DPH7: variants seen among roughly 807,000 people sequenced by gnomAD.
DPH7 encodes diphthamide biosynthesis 7, also known as diphthine methyltransferase.
In DPH7, 44 loss-of-function variants were observed where a neutral mutation model predicts 41.7. That is an observed-to-expected ratio of 1.05 (90% CI 0.83 to 1.36). The LOEUF (loss-of-function observed/expected upper bound fraction) is 1.36. Among genes scored for constraint, DPH7 ranks in the 40% most tolerant of loss-of-function variants. The pLI, the probability that DPH7 is intolerant of heterozygous loss-of-function variation, is 0.00. For synonymous variants in DPH7, 275 were observed against 238.0 expected, an observed-to-expected ratio of 1.16 and a Z score of -1.43; for missense variants, 629 against 577.5, an observed-to-expected ratio of 1.09 and a Z score of -0.91.
Position 137,578,916 on chromosome 9 carries a change from T to C in DPH7, c.-139A>G, listed in dbSNP as rs909159807. ...GGACACCGTCAGCGCGGGCCGCCTC[T>C]CTCGCGACTCCTTCCGGGGTGCCGG... is the stretch of plus-strand genomic sequence containing the variant. On this transcript the variant is annotated 5_prime_UTR_variant, in exon 1 of 9. Transcript: ENST00000277540. 1 of 912,888 alleles carries C rather than the reference T, an allele frequency of 1.1e-6. No individual in the cohort carries two copies. Among genetic ancestry groups the C allele is most frequent in the African/African-American group, 1.7e-5 (1 of 57,576 alleles). 56.5% of individuals were successfully genotyped at this position (912,888 alleles called of 1,614,324 possible).
Position 137,561,036 on chromosome 9 carries a change from A to G in DPH7, c.949+3398T>C, listed in dbSNP as rs548913613. Among the ~76,000 whole-genome samples, 430 of 150,574 alleles carry G rather than the reference A, an allele frequency of 2.9e-3. 4 individuals are homozygous for G. Among genetic ancestry groups the G allele is most frequent in the Non-Finnish European group, 9.0e-4 (61 of 67,744 alleles). On this transcript the variant is annotated intron_variant, in intron 8 of 8. Coordinates refer to ENST00000277540, the MANE Select transcript of DPH7 (RefSeq NM_138778.5). ...GACCCCATCTCAAAAAAAAAAAAAA[A>G]AAAAAGAAAAAAAGAAAATCACCAT...
intron 8 of DPH7, among the ~76,000 whole-genome samples, 159 bp from the exon 9 acceptor site, chr9:137,555,807 G>A (rs111781286): frequency 1.4e-4 from 22 of 152,292 alleles, no homozygotes; most frequent in Non-Finnish European, 3.1e-4. Context: ...AGCAAGACCT[G>A]GGCATATGTT....
At chr9:137,572,988 C>T (rs143966550) in intron 5 of DPH7, among the ~76,000 whole-genome samples, 3 of 152,340 alleles carry the variant, frequency 2.0e-5, no homozygotes, top group Middle Eastern at 6.8e-3. Context: ...GCTCTGCCCA[C>T]AGGTGCCTGC....
intron 5 of DPH7, among the ~76,000 whole-genome samples, chr9:137,571,645 G>A (rs551144045): frequency 5.9e-5 from 9 of 151,852 alleles, no homozygotes; most frequent in South Asian, 2.1e-4. Flanking sequence ...AAAATTAGCC[G>A]GGCATGGCGG....
rs554950479 is a variant in DPH7 at position 137,578,543 on chromosome 9, C to A, written c.153+82G>T. The A allele has an allele frequency of 2.4e-4, 323 of 1,365,274 alleles. 1 individual carries two copies. Among genetic ancestry groups the A allele is most frequent in the Non-Finnish European group, 4.5e-5 (47 of 1,054,166 alleles). 84.6% of individuals were successfully genotyped at this position (1,365,274 alleles called of 1,614,324 possible). Reference sequence around the variant, plus strand: ...CAAAGGGCCAATATCCCCTCTTCATCTCCTGGGCGATTCGGTGCGCCTTTC... The same window carrying A: ...CAAAGGGCCAATATCCCCTCTTCATATCCTGGGCGATTCGGTGCGCCTTTC... On this transcript the variant is annotated intron_variant, in intron 1 of 8. Coordinates refer to ENST00000277540, the MANE Select transcript of DPH7 (RefSeq NM_138778.5).
Position 137,577,739 on chromosome 9 carries a change from G to GT in DPH7, c.154-137dup. 4 of 1,187,400 alleles carry GT rather than the reference G, an allele frequency of 3.4e-6. No individual in the cohort carries two copies. The South Asian group carries it at 6.1e-5, about 18-fold the overall frequency. The allele number at this position is 1,187,400 out of a possible 1,614,324, so 73.6% of individuals were successfully genotyped here. On this transcript the variant is annotated intron_variant, in intron 1 of 8. Coordinates refer to ENST00000277540, the MANE Select transcript of DPH7 (RefSeq NM_138778.5). The stretch of plus-strand genomic sequence containing the variant: ...ATTCTGCCTGGAAGGAGAACCTCTG[G>GT]TTTTCTGAGCTGGAGAAACGTCTAT...
intron 1 of DPH7, 84 bp downstream of exon 1, chr9:137,578,540 CA>C: frequency 5.2e-6 from 7 of 1,348,560 alleles, no homozygotes; most frequent in Non-Finnish European, 6.7e-6. Context: ...ATCCCCTCTT[CA>C]TCTCCTGGGC....
chr9:137,559,308 A>C (rs1838091624), intron 8 of DPH7, among the ~76,000 whole-genome samples: 1 of 152,192 alleles, frequency 6.6e-6, no homozygotes, highest in Admixed American at 6.5e-5. Flanking sequence ...TCTAGCGGTG[A>C]CGCCAGCATC....
intron 8 of DPH7, among the ~76,000 whole-genome samples, chr9:137,557,655 C>CT (rs1260518183): frequency 6.6e-6 from 1 of 151,550 alleles, no homozygotes; most frequent in African/African-American, 2.4e-5. Flanking sequence ...CCCATCTCTA[C>CT]TAAAAGCACA....
At chr9:137,567,600 T>G (rs56107721) in intron 5 of DPH7, among the ~76,000 whole-genome samples, 3 of 2,666 alleles carry the variant, frequency 1.1e-3, no homozygotes, top group African/African-American at 3.1e-3. Flanking sequence ...GAAGCTCCCC[T>G]GGGTGACTCT....
chr9:137,574,590 TA>T, intron 4 of DPH7, 161 bp downstream of exon 4: 1 of 861,584 alleles, frequency 1.2e-6, no homozygotes, highest in South Asian at 1.7e-5. Flanking sequence ...GCTATGTATC[TA>T]AAATGGGGGA....
At position 137,555,414 on chromosome 9, in the gene DPH7, C is replaced by G; in HGVS notation, c.1184G>C (p.Gly395Ala). The G allele has an allele frequency of 6.2e-7, 1 of 1,614,148 alleles. No individual in the cohort carries two copies. The change falls in exon 9 of 9, where the codon GGA becomes GCA. Residue 395 changes from glycine to alanine, a missense_variant. Transcript: ENST00000277540. The part of the protein sequence containing the change: ...DGEGHARPQS[G>A]MKPLTEGMRK... ...CATGCCCTCTGTGAGTGGCTTCATT[C>G]CACTCTGGGGTCTGGCATGGCCCTC...
chr9:137,561,542 C>CAAA (rs557915176), intron 8 of DPH7, among the ~76,000 whole-genome samples: 14,832 of 51,956 alleles, frequency 0.29, 2,357 homozygotes, highest in African/African-American at 0.42. Flanking sequence ...GACTCCATCT[C>CAAA]AAAAAAAAAA....
At chr9:137,572,594 C>T (rs558849495) in intron 5 of DPH7, among the ~76,000 whole-genome samples, 1 of 152,268 alleles carries the variant, frequency 6.6e-6, no homozygotes, top group South Asian at 2.1e-4. Flanking sequence ...ATCTTTTCTT[C>T]GGCTGTTTGC....
Position 137,571,347 on chromosome 9 carries a change from C to T in DPH7, c.640+2861G>A, listed in dbSNP as rs192208000. Among the ~76,000 whole-genome samples, 327 of 152,004 alleles carry T rather than the reference C, an allele frequency of 2.2e-3. 2 individuals are homozygous for T. The highest frequency in any genetic ancestry group is 1.8e-3 in the Non-Finnish European group (124 of 67,968). ...GACTACAGGCGCCTGCCACCATGCC[C>T]GGCTAATTTTTTGTATTTTAATAGA... On this transcript the variant is annotated intron_variant, in intron 5 of 8. Coordinates refer to ENST00000277540, the MANE Select transcript of DPH7 (RefSeq NM_138778.5).
In DPH7 at chr9:137,564,893, C is replaced by T; in HGVS notation, c.776G>A (p.Ser259Asn). ...PHREHILATG[S>N]YDEHILLWDT... ...GCCCGAGAGCCTCCTGGGGACTCACCTTCCCGTGGCCAGGATGTGCTCCCG... is the reference window on the plus strand; with the variant it reads ...GCCCGAGAGCCTCCTGGGGACTCACTTTCCCGTGGCCAGGATGTGCTCCCG... The change falls in exon 7 of 9, where the codon AGC (serine) becomes AAC (asparagine). Residue 259 changes from serine (S) to asparagine (N), a missense_variant and splice_region_variant. Coordinates refer to ENST00000277540, the MANE Select transcript of DPH7 (RefSeq NM_138778.5). 1 of 1,592,290 alleles carries T rather than the reference C, an allele frequency of 6.3e-7. No homozygotes were observed. Among genetic ancestry groups the T allele is most frequent in the South Asian group, 1.1e-5 (1 of 88,478 alleles).
intron 8 of DPH7, among the ~76,000 whole-genome samples, chr9:137,557,474 C>G (rs1359102529): frequency 6.6e-6 from 1 of 151,772 alleles, no homozygotes; most frequent in Non-Finnish European, 1.5e-5. Flanking sequence ...CACTGCACTC[C>G]AGCCTGGGTG....
In DPH7 at chr9:137,556,042, GAAAGTC is replaced by G. The variant is rs776854058; in HGVS notation, c.950-400_950-395del. On this transcript the variant is annotated intron_variant, in intron 8 of 8. Coordinates refer to ENST00000277540, the MANE Select transcript of DPH7 (RefSeq NM_138778.5). The surrounding 1 kb of genome is among the most constrained non-coding windows in gnomAD (Gnocchi z 5.2). ...GGCAGCATGTGTACAGCAGAGGTGA[GAAAGTC>G]CAAGGCTCGCACGGGGAACCACAAA... 4.6e-5 allele frequency among the ~76,000 whole-genome samples: 7 copies of G among 152,174 alleles called. No homozygotes were observed. Among genetic ancestry groups the G allele is most frequent in the Non-Finnish European group, 7.3e-5 (5 of 68,030 alleles).
chr9:137,573,315 C>G (rs1217412213), intron 5 of DPH7, among the ~76,000 whole-genome samples: 4 of 128,682 alleles, frequency 3.1e-5, no homozygotes, highest in African/African-American at 1.2e-4. Context: ...GAGCCGAGAT[C>G]GCGCCACTGC....
Sources: allele counts gnomAD v4.1 joint callset (sites outside exome capture counted in the v4.1 genomes callset), GRCh38; gene constraint gnomAD v4.1.1; non-coding constraint Gnocchi (gnomAD v3.1); transcripts MANE v1.5; gene names NCBI Gene and HGNC (gene_info 2026-07-23, HGNC 2026-07-21).